The following SLC26A11 variants were observed in gnomAD, a reference collection of about 807,000 sequenced individuals.
The protein encoded by SLC26A11 is sodium-independent sulfate anion transporter.
SLC26A11 carries 58 observed loss-of-function variants against 62.2 expected under a neutral mutation model. That is an observed-to-expected ratio of 0.93 (90% CI 0.76 to 1.16). The LOEUF is 1.16. SLC26A11 is among the 50% of genes most tolerant of loss of function. The pLI is 0.00. For synonymous variants in SLC26A11, 411 were observed against 368.9 expected (o/e 1.11, Z -1.31); for missense variants, 790 against 794.3 (o/e 0.99, Z 0.06).
At chr17:80,230,024 G>A (rs1376668091) in intron 7 of SLC26A11, among the ~76,000 whole-genome samples, 2 of 151,802 alleles carry the variant, frequency 1.3e-5, no homozygotes, top group African/African-American at 4.8e-5. Context: ...GCCAAACCCC[G>A]TCTCTACTAA....
At position 80,249,171 on chromosome 17, in the gene SLC26A11, C is replaced by T. The variant is rs766307767; in HGVS notation, c.1540C>T (p.Leu514=). 5 of 1,608,816 alleles carry T rather than the reference C, an allele frequency of 3.1e-6. No individual in the cohort carries two copies. The African/African-American group carries it at 6.7e-5, about 21-fold the overall frequency. ...RALEVSPPRC[L]VLECTHVCSI... is the part of the protein sequence containing the mutation. ...CTCCCCAGTGTCCCCGCCACGCTGC[C>T]TGGTCCTGGAGTGCACCCATGTCTG... Residue 514 remains leucine (L), a synonymous_variant, in exon 16 of 18, where the codon CTG becomes TTG. Coordinates refer to ENST00000361193, the MANE Select transcript of SLC26A11 (RefSeq NM_001166347.2).
intron 10 of SLC26A11, among the ~76,000 whole-genome samples, chr17:80,244,470 G>A (rs1440424842): frequency 6.6e-6 from 1 of 152,186 alleles, no homozygotes; most frequent in Non-Finnish European, 1.5e-5. Context: ...CCTCCTGGGT[G>A]GTGAGATGCT....
At position 80,252,919 on chromosome 17, in the gene SLC26A11, GA is replaced by G; in HGVS notation, c.*207del. On this transcript the variant is annotated 3_prime_UTR_variant, in exon 18 of 18. Coordinates refer to ENST00000361193, the MANE Select transcript of SLC26A11 (RefSeq NM_001166347.2). This position sits in a 1 kb window ranked among gnomAD's most constrained non-coding sequence, Gnocchi z 5.2. ...TCACTGGCTTCCTGTGGGATGACTG[GA>G]AAATGACCTCGCTGCTGTTCCCTGG... 1 of 533,450 alleles carries G rather than the reference GA, an allele frequency of 1.9e-6. No homozygotes were observed. Among genetic ancestry groups the G allele is most frequent in the Non-Finnish European group, 3.4e-6 (1 of 298,064 alleles). 33.0% of individuals were successfully genotyped at this position (533,450 alleles called of 1,614,324 possible).
intron 7 of SLC26A11, among the ~76,000 whole-genome samples, chr17:80,229,050 G>C (rs1253695753): frequency 2.0e-5 from 3 of 152,188 alleles, no homozygotes; most frequent in African/African-American, 7.2e-5. Context: ...GGAAGCATAG[G>C]TGACTCCAAA....
chr17:80,248,498 C>T, intron 14 of SLC26A11, 77 bp from the exon 15 acceptor site: 1 of 1,446,230 alleles, frequency 6.9e-7, no homozygotes, highest in South Asian at 1.3e-5. Context: ...TGGGTGGGGG[C>T]TTCCCGCTTG....
At chr17:80,243,481 T>C (rs1598832625) in intron 10 of SLC26A11, among the ~76,000 whole-genome samples, 1 of 152,178 alleles carries the variant, frequency 6.6e-6, no homozygotes, top group Non-Finnish European at 1.5e-5. Context: ...TTCTGCAACC[T>C]CCGTCTCCTG....
chr17:80,227,872 G>A lies in SLC26A11; in HGVS notation c.648G>A (p.Lys216=). ...GCATGCTGCTGCTGCTGGTGCTGAAGCTGATGCGGGACCACGTGCCTCCCG... is the reference window on the plus strand; with the variant it reads ...GCATGCTGCTGCTGCTGGTGCTGAAACTGATGCGGGACCACGTGCCTCCCG... ...LVCMLLLLVL[K]LMRDHVPPVH... Residue 216 remains lysine, a synonymous_variant, in exon 7 of 18, where the codon AAG becomes AAA. Transcript: ENST00000361193. 1 of 1,602,782 alleles carries A rather than the reference G, an allele frequency of 6.2e-7. No homozygotes were observed. Among genetic ancestry groups the A allele is most frequent in the African/African-American group, 1.3e-5 (1 of 75,030 alleles).
At chr17:80,227,471 G>T (rs2042442892) in intron 6 of SLC26A11, among the ~76,000 whole-genome samples, 1 of 152,194 alleles carries the variant, frequency 6.6e-6, no homozygotes, top group Non-Finnish European at 1.5e-5. Flanking sequence ...CCTCTCCACT[G>T]CCTGTCCTGC....
intron 7 of SLC26A11, among the ~76,000 whole-genome samples, chr17:80,230,378 T>A (rs1276724275): frequency 1.3e-5 from 2 of 152,060 alleles, no homozygotes; most frequent in Non-Finnish European, 1.5e-5. Flanking sequence ...AGGCACAGCA[T>A]GCCACGTAGG....
Position 80,238,811 on chromosome 17 carries a change from G to GGTTTTTTTTTTTTTTTTTTTTTTTTTT in SLC26A11, c.985+1217_985+1218insGTTTTTTTTTTTTTTTTTTTTTTTTTT, listed in dbSNP as rs1555629117. Among the ~76,000 whole-genome samples the GGTTTTTTTTTTTTTTTTTTTTTTTTTT allele has an allele frequency of 1.3e-4, 16 of 123,264 alleles. 2 individuals carry two copies. The highest frequency in any genetic ancestry group is 5.5e-4 in the African/African-American group (16 of 29,232). The allele number at this position is 123,264 out of a possible 152,430, so 80.9% of individuals were successfully genotyped here. ...TCTAACCCTTACCCCCTTCAAAGGA[G>GGTTTTTTTTTTTTTTTTTTTTTTTTTT]TTTTTTTTGTTTTTTGTTTTTTTTT... On this transcript the variant is annotated intron_variant, in intron 9 of 17. Coordinates refer to ENST00000361193, the MANE Select transcript of SLC26A11 (RefSeq NM_001166347.2).
At position 80,221,082 on chromosome 17, in the gene SLC26A11, C is replaced by A. The variant is rs1182624417; in HGVS notation, c.-47C>A. On this transcript the variant is annotated 5_prime_UTR_variant, in exon 2 of 18. Coordinates refer to ENST00000361193, the MANE Select transcript of SLC26A11 (RefSeq NM_001166347.2). ...AAAACCTCGGAGCCCCGCTGGATCT[C>A]CTGGCTGCCACCCGCACCCCCCGCC... 6.5e-6 allele frequency: 1 copy of A among 154,078 alleles called. No individual in the cohort carries two copies. The highest frequency in any genetic ancestry group is 1.4e-5 in the Non-Finnish European group (1 of 69,426). The allele number at this position is 154,078 out of a possible 1,614,324, so 9.5% of individuals were successfully genotyped here.
chr17:80,249,186 A>C lies in SLC26A11; in HGVS notation c.1555A>C (p.Thr519Pro), dbSNP rs755827764. ...GCCACGCTGCCTGGTCCTGGAGTGC[A>C]CCCATGTCTGCAGCATCGACTACAC... The part of the protein sequence containing the change: ...SPPRCLVLEC[T>P]HVCSIDYTVV... The change falls in exon 16 of 18, where the codon ACC becomes CCC. Residue 519 changes from threonine to proline, a missense_variant. By Grantham distance (38) the Thr-to-Pro change is conservative. Coordinates refer to ENST00000361193, the MANE Select transcript of SLC26A11 (RefSeq NM_001166347.2). The C allele has an allele frequency of 1.9e-6, 3 of 1,609,898 alleles. No individual in the cohort carries two copies. Among genetic ancestry groups the C allele is most frequent in the Middle Eastern group, 2.1e-4 (1 of 4,704 alleles).
At chr17:80,229,555 G>A (rs943746827) in intron 7 of SLC26A11, among the ~76,000 whole-genome samples, 27 of 151,616 alleles carry the variant, frequency 1.8e-4, no homozygotes, top group Non-Finnish European at 4.0e-4. Context: ...TCAGCCTCGC[G>A]AGTAGCTGGG....
intron 10 of SLC26A11, among the ~76,000 whole-genome samples, chr17:80,243,705 A>C (rs1567963094): frequency 1.3e-5 from 2 of 152,136 alleles, no homozygotes; most frequent in Non-Finnish European, 2.9e-5. Flanking sequence ...CCCTATTCCC[A>C]TTACTTTAAA....
In SLC26A11 at chr17:80,221,735, G is replaced by A. The variant is rs1385633763; in HGVS notation, c.175G>A (p.Gly59Ser). ...GGATTTCGTCGCCGGCCTCTCAGTT[G>A]GCCTCACTGCCATTCCCCAGGCGCT... ...KMDFVAGLSV[G>S]LTAIPQALAY... is the part of the protein sequence containing the mutation. Residue 59 changes from glycine to serine, a missense_variant, in exon 3 of 18, where the codon GGC (glycine) becomes AGC (serine). Transcript: ENST00000361193. 1.2e-6 allele frequency: 2 copies of A among 1,613,636 alleles called. No homozygotes were observed. Among genetic ancestry groups the A allele is most frequent in the South Asian group, 1.1e-5 (1 of 91,072 alleles).
rs770330168 is a variant in SLC26A11, at chr17:80,237,500, C to A, written c.913-22C>A. The A allele has an allele frequency of 2.5e-6, 4 of 1,600,246 alleles. No homozygotes were observed. In the South Asian group the frequency reaches 4.5e-5, roughly 18 times the overall value. ...TCCTACCCCTTAGGAAGGTCACTCACCATCCCTCTCTCCTCTCTCAGGACA... is the reference window on the plus strand; with the variant it reads ...TCCTACCCCTTAGGAAGGTCACTCAACATCCCTCTCTCCTCTCTCAGGACA... On this transcript the variant is annotated intron_variant, in intron 8 of 17. Coordinates refer to ENST00000361193, the MANE Select transcript of SLC26A11 (RefSeq NM_001166347.2).
intron 6 of SLC26A11, among the ~76,000 whole-genome samples, chr17:80,226,702 G>A (rs1305964334): frequency 3.3e-5 from 5 of 152,052 alleles, no homozygotes; most frequent in African/African-American, 7.2e-5. Flanking sequence ...CTCCATCTCC[G>A]CCCTGCCCTG....
At chr17:80,241,323 G>A (rs1255534461) in intron 9 of SLC26A11, among the ~76,000 whole-genome samples, 32 of 152,172 alleles carry the variant, frequency 2.1e-4, no homozygotes, top group Admixed American at 2.0e-3. Context: ...GCGGTGGCAC[G>A]ATCTCATCTC....
At chr17:80,237,329 C>T in intron 8 of SLC26A11, 193 bp from the exon 9 acceptor site, 1 of 748,950 alleles carries the variant, frequency 1.3e-6, no homozygotes, top group Non-Finnish European at 2.1e-6. Flanking sequence ...CTGTTTTGGA[C>T]TCCAGCTGAG....
Sources: allele counts gnomAD v4.1 joint callset (sites outside exome capture counted in the v4.1 genomes callset), GRCh38; gene constraint gnomAD v4.1.1; non-coding constraint Gnocchi (gnomAD v3.1); transcripts MANE v1.5; gene names NCBI Gene and HGNC (gene_info 2026-07-23, HGNC 2026-07-21).